Variants in SPINK5 observed in about 807,000 individuals in gnomAD.
SPINK5 encodes serine peptidase inhibitor Kazal type 5.
In SPINK5, 125 loss-of-function variants were observed where a neutral mutation model predicts 151.8. The observed-to-expected ratio is 0.82, with a 90% CI of 0.71 to 0.96. The LOEUF is 0.96. Among genes scored for constraint, SPINK5 ranks in the 40% least tolerant of loss-of-function variants. The pLI is 0.00. For synonymous variants in SPINK5, 374 were observed against 395.3 expected (o/e 0.95, Z 0.64); for missense variants, 1,194 against 1,291.9 (o/e 0.92, Z 1.16).
chr5:148,080,236 G>C (rs984741359), intron 4 of SPINK5, among the ~76,000 whole-genome samples: 4 of 151,202 alleles, frequency 2.6e-5, no homozygotes, highest in Non-Finnish European at 5.9e-5. Flanking sequence ...AAAAATGAAA[G>C]ATCCAAATAA....
At chr5:148,073,240 C>A (rs918160983) in intron 4 of SPINK5, among the ~76,000 whole-genome samples, 1 of 151,852 alleles carries the variant, frequency 6.6e-6, no homozygotes, top group African/African-American at 2.4e-5. Flanking sequence ...GTTAGTACAC[C>A]TTAATTACTT....
At chr5:148,134,039 G>A (rs201159978) in intron 32 of SPINK5, 152 bp downstream of exon 32, 71 of 733,190 alleles carry the variant, frequency 9.7e-5, no homozygotes, top group Non-Finnish European at 1.6e-4. Flanking sequence ...TTCACTATAA[G>A]GATAATTAAG....
intron 4 of SPINK5, among the ~76,000 whole-genome samples, chr5:148,072,943 A>G (rs1406634388): frequency 6.6e-6 from 1 of 151,800 alleles, no homozygotes; most frequent in African/African-American, 2.4e-5. Context: ...ATCCTACTAT[A>G]TAAACCATTT....
chr5:148,118,317 ATGTTATGTTTC>A (rs3836899), intron 22 of SPINK5, 109 bp from the exon 23 acceptor site: 28,156 of 1,478,964 alleles, frequency 0.019, 684 homozygotes, highest in South Asian at 0.097. Context: ...GTACCCGGCA[ATGTTATGTTTC>A]TTATAAAGAG....
intron 24 of SPINK5, among the ~76,000 whole-genome samples, chr5:148,119,304 C>T (rs1472250910): frequency 6.6e-6 from 1 of 152,130 alleles, no homozygotes; most frequent in African/African-American, 2.4e-5. Context: ...TTAATTATTT[C>T]AACAGCCTGG....
intron 4 of SPINK5, among the ~76,000 whole-genome samples, chr5:148,085,428 G>C (rs1056379454): frequency 1.3e-5 from 2 of 151,940 alleles, no homozygotes; most frequent in Non-Finnish European, 2.9e-5. Context: ...AAAAGTTAAA[G>C]TCAAGTTAAC....
Position 148,104,926 on chromosome 5 carries a change from CTCTTTT to C in SPINK5, c.1431-19_1431-14del, listed in dbSNP as rs1561691199. 2 of 1,604,402 alleles carry C rather than the reference CTCTTTT, an allele frequency of 1.2e-6. No homozygotes were observed. The highest frequency in any genetic ancestry group is 2.2e-5 in the South Asian group (2 of 89,402). On this transcript the variant is annotated intron_variant, in intron 15 of 32. Transcript: ENST00000256084. ...AGAAAAAAAAAAATCCATTTCTTCT[CTCTTTT>C]TCTTTTCGGTTTCTTAAAGTCAACA... is the stretch of plus-strand genomic sequence containing the variant.
chr5:148,101,635 A>G (rs1753646909), intron 14 of SPINK5, 146 bp from the exon 15 acceptor site: 2 of 1,308,674 alleles, frequency 1.5e-6, no homozygotes, highest in Admixed American at 3.9e-5. Context: ...TTTATCACTT[A>G]AAAAATCCAT....
chr5:148,125,680 A>C (rs770784151), intron 28 of SPINK5, 43 bp from the exon 29 acceptor site: 10 of 1,614,076 alleles, frequency 6.2e-6, no homozygotes, highest in Non-Finnish European at 8.5e-6. Flanking sequence ...ACTAAGCCAA[A>C]AAGGGACAAA....
At chr5:148,124,078 T>C (rs1288078907) in intron 27 of SPINK5, 118 bp downstream of exon 27, 2 of 1,165,672 alleles carry the variant, frequency 1.7e-6, no homozygotes, top group Non-Finnish European at 2.5e-6. Flanking sequence ...TGATACCTCC[T>C]CTCTTTTGAA....
At chr5:148,124,449 A>T (rs1010543519) in intron 27 of SPINK5, among the ~76,000 whole-genome samples, 5 of 152,236 alleles carry the variant, frequency 3.3e-5, no homozygotes, top group African/African-American at 9.6e-5. Context: ...AATGAGAATT[A>T]TAGCAACTTT....
intron 30 of SPINK5, among the ~76,000 whole-genome samples, chr5:148,128,753 G>A (rs1401776410): frequency 6.6e-6 from 1 of 152,114 alleles, no homozygotes; most frequent in Non-Finnish European, 1.5e-5. Context: ...TCGATCTCCT[G>A]ACCTCGTGAT....
chr5:148,114,230 A>G (rs528361480), intron 20 of SPINK5, 132 bp from the exon 21 acceptor site: 5 of 1,044,094 alleles, frequency 4.8e-6, no homozygotes, highest in South Asian at 4.4e-5. Flanking sequence ...ATTGAACACT[A>G]TAACTGCCAG....
chr5:148,077,616 A>G (rs1439827091), intron 4 of SPINK5, among the ~76,000 whole-genome samples: 1 of 134,950 alleles, frequency 7.4e-6, no homozygotes, highest in Admixed American at 7.7e-5. Flanking sequence ...TAAGGCAACA[A>G]TTATAATGCT....
chr5:148,117,796 T>C (rs897236891), intron 22 of SPINK5, among the ~76,000 whole-genome samples: 7 of 152,216 alleles, frequency 4.6e-5, no homozygotes, highest in Admixed American at 2.6e-4. Flanking sequence ...TCAGTATACA[T>C]GGATTTTGAT....
rs1561686128 is a variant in SPINK5, at chr5:148,096,746, TCTTTTC to T, written c.882+842_882+847del. Among the ~76,000 whole-genome samples the T allele has an allele frequency of 5.0e-3, 711 of 142,896 alleles. 8 individuals are homozygous for T. The highest frequency in any genetic ancestry group is 0.018 in the African/African-American group (658 of 36,448). 93.7% of individuals were successfully genotyped at this position (142,896 alleles called of 152,430 possible). A position where few individuals can be genotyped will look rare whatever the true frequency, so the allele number is the denominator to read the frequency against. On this transcript the variant is annotated intron_variant, in intron 10 of 32. Coordinates refer to ENST00000256084, the MANE Select transcript of SPINK5 (RefSeq NM_006846.4). ...TCTTTTTTTCTTTTTCTTTTTCTTT[TCTTTTC>T]TTTTTTTTTTTAAGACAATTTCTTT...
chr5:148,065,440 A>T (rs1447895732), intron 2 of SPINK5, 68 bp downstream of exon 2: 2 of 1,536,326 alleles, frequency 1.3e-6, no homozygotes, highest in Admixed American at 1.7e-5. Context: ...TTTGTGGCCA[A>T]CACCTTCATG....
At chr5:148,127,599 C>A (rs930824281) in intron 30 of SPINK5, among the ~76,000 whole-genome samples, 1 of 152,092 alleles carries the variant, frequency 6.6e-6, no homozygotes, top group Non-Finnish European at 1.5e-5. Flanking sequence ...ATGACTATAA[C>A]CCCAGCACTG....
In SPINK5 at chr5:148,093,096, GA is replaced by G. The variant is rs565361419; in HGVS notation, c.667-1256del. On this transcript the variant is annotated intron_variant, in intron 8 of 32. Coordinates refer to ENST00000256084, the MANE Select transcript of SPINK5 (RefSeq NM_006846.4). Reference sequence around the variant, plus strand: ...TGCCCATGTTTTCTTGCCTGAAATTGAATGACGAAGGTCACACAGTTGAAAA... The same window carrying G: ...TGCCCATGTTTTCTTGCCTGAAATTGATGACGAAGGTCACACAGTTGAAAA... Among the ~76,000 whole-genome samples the G allele has an allele frequency of 2.2e-3, 341 of 152,024 alleles. 1 individual carries two copies. Among genetic ancestry groups the G allele is most frequent in the African/African-American group, 7.9e-3 (327 of 41,520 alleles).
Sources: gnomAD v4.1 joint callset for allele counts (sites outside exome capture counted in the v4.1 genomes callset) on GRCh38, gnomAD v4.1.1 for gene constraint, MANE v1.5 for transcripts, NCBI Gene and HGNC (gene_info 2026-07-23, HGNC 2026-07-21) for gene names.